The following SOD2 variants were observed in gnomAD, a reference collection of about 807,000 sequenced individuals.
SOD2 encodes the protein superoxide dismutase [Mn], mitochondrial.
A neutral mutation model predicts 27.0 loss-of-function variants in SOD2; 11 were observed. The ratio of observed to expected loss-of-function variants is 0.41; its 90% CI spans 0.26 to 0.67. The LOEUF (loss-of-function observed/expected upper bound fraction) is 0.67, where lower values mean the gene tolerates loss of function less well. SOD2 is among the 30% of genes least tolerant of loss of function. The probability of loss-of-function intolerance (pLI) is 0.34; values close to 1 mark genes in which losing one functional copy is unlikely to be tolerated. For synonymous variants in SOD2, 105 were observed against 103.0 expected, an observed-to-expected ratio of 1.02 and a Z score of -0.12; for missense variants, 250 against 274.5, an observed-to-expected ratio of 0.91 and a Z score of 0.63.
chr6:159,749,140 T>G, upstream of SOD2: 2 of 986,090 alleles, frequency 2.0e-6, no homozygotes, highest in Non-Finnish European at 2.4e-6. Context: ...ATAATCTTAC[T>G]GAGGACTGTA....
intron 1 of SOD2, chr6:159,726,868 A>C: frequency 7.8e-7 from 1 of 1,289,224 alleles, no homozygotes; most frequent in Non-Finnish European, 1.0e-6. Context: ...GCTTCTGCTA[A>C]GAGTAAACGC....
At chr6:159,727,512 C>G, upstream of SOD2, 1 of 992,894 alleles carries the variant, frequency 1.0e-6, no homozygotes, top group Non-Finnish European at 1.2e-6. Flanking sequence ...TTTCCTCCCT[C>G]AGCGCCATTT....
In SOD2 at chr6:159,673,009, T is replaced by C. The variant is rs1192531957; in HGVS notation, c.*9484A>G. 6.6e-6 allele frequency: 1 copy of C among 152,174 alleles called. No homozygotes were observed. The highest frequency in any genetic ancestry group is 1.5e-5 in the Non-Finnish European group (1 of 68,036). 9.4% of individuals were successfully genotyped at this position (152,174 alleles called of 1,614,324 possible). A position where few individuals can be genotyped will look rare whatever the true frequency, so the allele number is the denominator to read the frequency against. On this transcript the variant is annotated 3_prime_UTR_variant, in exon 5 of 5. Coordinates refer to ENST00000538183, the MANE Select transcript of SOD2 (RefSeq NM_000636.4). ...GATCAAAAGAGACAAAGAAGGCCAT[T>C]ACATGATAGTAAAGGGATCAATTCA...
chr6:159,754,047 GATTT>G (rs1277500666), intron 1 of SOD2, among the ~76,000 whole-genome samples: 1 of 152,188 alleles, frequency 6.6e-6, no homozygotes, highest in African/African-American at 2.4e-5. Flanking sequence ...GTGAATAAGA[GATTT>G]AATCTTTAAA....
chr6:159,699,834 G>GCAGC (rs57427575), intron 1 of SOD2, among the ~76,000 whole-genome samples: 6,038 of 152,238 alleles, frequency 0.04, 183 homozygotes, highest in African/African-American at 0.072. Flanking sequence ...TCTACTCGGA[G>GCAGC]CAGCCAAAAT....
intron 1 of SOD2, among the ~76,000 whole-genome samples, chr6:159,744,836 AGCGCAGCTAATTTCTTAAT>A (rs1192604038): frequency 3.9e-5 from 6 of 152,142 alleles, no homozygotes; most frequent in African/African-American, 1.2e-4. Context: ...TGCGCCACCA[AGCGCAGCTAATTTCTTAAT>A]TTTTGTAGAG....
At chr6:159,739,595 G>T (rs1269187525) in intron 1 of SOD2, among the ~76,000 whole-genome samples, 1 of 152,170 alleles carries the variant, frequency 6.6e-6, no homozygotes, top group Non-Finnish European at 1.5e-5. Flanking sequence ...GAAGTAGGAT[G>T]TTCTGTGTTT....
chr6:159,740,323 A>G (rs923286686), intron 1 of SOD2, among the ~76,000 whole-genome samples: 3 of 152,228 alleles, frequency 2.0e-5, no homozygotes, highest in African/African-American at 7.2e-5. Flanking sequence ...AGGTTTCTAA[A>G]TCATATGCAG....
At position 159,716,383 on chromosome 6, in the gene SOD2, G is replaced by A. The variant is rs371949485; in HGVS notation, c.-116+10746C>T. ...TCATTTTCCAACTTGTTGCCTCATC[G>A]TCACAAGATGTTTCCTATAGGTGCA... is the stretch of plus-strand genomic sequence containing the variant. On this transcript the variant is annotated intron_variant, in intron 1 of 2. Coordinates refer to the SOD2 transcript ENST00000401980. Among the ~76,000 whole-genome samples, 6 of 152,190 alleles carry A rather than the reference G, an allele frequency of 3.9e-5. No homozygotes were observed. In the East Asian group the frequency reaches 5.8e-4, roughly 15 times the overall value.
upstream of SOD2, among the ~76,000 whole-genome samples, chr6:159,698,000 C>A (rs759582901): frequency 1.2e-3 from 182 of 152,298 alleles, no homozygotes; most frequent in Non-Finnish European, 2.3e-3. Context: ...ATTGGCAGGG[C>A]CCAGTGGCTC....
At chr6:159,694,674 G>C (rs5746079), upstream of SOD2, among the ~76,000 whole-genome samples, 5,849 of 151,938 alleles carry the variant, frequency 0.038, 298 homozygotes, top group African/African-American at 0.11. Flanking sequence ...CGGCTCACTG[G>C]AACCTCTGCC....
upstream of SOD2, among the ~76,000 whole-genome samples, chr6:159,749,807 A>G (rs1779756177): frequency 6.6e-6 from 1 of 152,214 alleles, no homozygotes; most frequent in Non-Finnish European, 1.5e-5. Flanking sequence ...TAGATAAATG[A>G]GGCATTATTT....
chr6:159,736,123 T>C (rs1778897875), intron 1 of SOD2: 8 of 909,262 alleles, frequency 8.8e-6, no homozygotes, highest in Non-Finnish European at 1.2e-5. Flanking sequence ...ATTTTAAAAT[T>C]GTTTATTTAA....
intron 1 of SOD2, among the ~76,000 whole-genome samples, chr6:159,751,577 G>T (rs1779822750): frequency 6.6e-6 from 1 of 152,182 alleles, no homozygotes; most frequent in Non-Finnish European, 1.5e-5. Flanking sequence ...GTGGAAATCT[G>T]GAGCTACAGT....
At chr6:159,688,274 G>C in intron 2 of SOD2, 32 bp from the exon 3 acceptor site, 1 of 1,313,516 alleles carries the variant, frequency 7.6e-7, no homozygotes, top group Non-Finnish European at 1.1e-6. Flanking sequence ...ACATTTTTTT[G>C]TAACTCCTAC....
intron 1 of SOD2, among the ~76,000 whole-genome samples, chr6:159,752,062 C>CAAAA (rs60854821): frequency 2.1e-5 from 2 of 94,980 alleles, no homozygotes; most frequent in Non-Finnish European, 4.4e-5. Context: ...ACCCCCATCT[C>CAAAA]AAAAAAAAAA....
At chr6:159,748,503 A>G (rs972693243), upstream of SOD2, 1 of 1,473,868 alleles carries the variant, frequency 6.8e-7, no homozygotes, top group African/African-American at 1.4e-5. This position sits in a 1 kb window ranked among gnomAD's most constrained non-coding sequence, Gnocchi z 5.6. Context: ...ACATTCTTAC[A>G]CTGTCCAGCT....
chr6:159,725,128 A>G (rs1351032519), intron 1 of SOD2, among the ~76,000 whole-genome samples: 4 of 152,162 alleles, frequency 2.6e-5, no homozygotes, highest in Admixed American at 1.3e-4. Context: ...AATCTCCTGC[A>G]TATAAGGAAA....
At chr6:159,740,588 T>A (rs374493528) in intron 1 of SOD2, among the ~76,000 whole-genome samples, 2 of 152,172 alleles carry the variant, frequency 1.3e-5, no homozygotes, top group East Asian at 3.8e-4. Context: ...TTTGGTAAAC[T>A]ACGTGTCTTA....
Sources: allele counts gnomAD v4.1 joint callset (sites outside exome capture counted in the v4.1 genomes callset), GRCh38; gene constraint gnomAD v4.1.1; non-coding constraint Gnocchi (gnomAD v3.1); transcripts MANE v1.5; gene names NCBI Gene and HGNC (gene_info 2026-07-23, HGNC 2026-07-21).